APBB1IP: variants seen among roughly 807,000 people sequenced by gnomAD.
APBB1IP encodes the protein amyloid beta A4 precursor protein-binding family B member 1-interacting protein.
APBB1IP carries 27 observed loss-of-function variants against 64.9 expected under a neutral mutation model. That is an observed-to-expected ratio of 0.42 (90% CI 0.31 to 0.57). APBB1IP has a LOEUF of 0.57. Ranked by LOEUF, APBB1IP falls within the 20% of genes least tolerant of loss-of-function variation. APBB1IP has a pLI of 0.20. For synonymous variants in APBB1IP, 392 were observed against 331.0 expected (o/e 1.18, Z -2.00); for missense variants, 812 against 845.5 (o/e 0.96, Z 0.49).
At chr10:26,511,577 T>A (rs2275750) in intron 6 of APBB1IP, among the ~76,000 whole-genome samples, 170 bp from the exon 7 acceptor site, 2 of 152,200 alleles carry the variant, frequency 1.3e-5, no homozygotes, top group Non-Finnish European at 2.9e-5. Flanking sequence ...ACCTCTGTAA[T>A]CCTAGCACCT....
chr10:26,475,185 C>A (rs1268258851), intron 2 of APBB1IP, among the ~76,000 whole-genome samples: 1 of 149,768 alleles, frequency 6.7e-6, no homozygotes, highest in Non-Finnish European at 1.5e-5. Context: ...TGCAGTGGTG[C>A]AATCTCGGTT....
chr10:26,471,886 T>A (rs963965968), intron 2 of APBB1IP, among the ~76,000 whole-genome samples: 2 of 152,196 alleles, frequency 1.3e-5, no homozygotes, highest in African/African-American at 2.4e-5. Context: ...GGTTTCACCA[T>A]GTTGGCCAAG....
chr10:26,554,449 C>T (rs755470937), intron 11 of APBB1IP, among the ~76,000 whole-genome samples: 1 of 152,218 alleles, frequency 6.6e-6, no homozygotes, highest in Admixed American at 6.5e-5. Flanking sequence ...CTTGCAGCTG[C>T]GTGTGCCAAT....
intron 8 of APBB1IP, among the ~76,000 whole-genome samples, chr10:26,518,101 A>G (rs1836354934): frequency 6.6e-6 from 1 of 151,362 alleles, no homozygotes; most frequent in African/African-American, 2.4e-5. Flanking sequence ...ATCACAGGCA[A>G]CCACCACCAT....
intron 2 of APBB1IP, 128 bp from the exon 3 acceptor site, chr10:26,492,199 T>A: frequency 1.4e-6 from 1 of 708,524 alleles, no homozygotes. Flanking sequence ...AGCCTTCCTC[T>A]CAATATAGTC....
intron 2 of APBB1IP, among the ~76,000 whole-genome samples, chr10:26,440,874 T>A (rs954812066): frequency 6.6e-6 from 1 of 152,206 alleles, no homozygotes; most frequent in African/African-American, 2.4e-5. Flanking sequence ...CTTTAAGCCA[T>A]CTTACTTCCA....
chr10:26,513,835 C>T (rs1836292080), intron 8 of APBB1IP, among the ~76,000 whole-genome samples, 175 bp downstream of exon 8: 1 of 152,088 alleles, frequency 6.6e-6, no homozygotes. Flanking sequence ...TGGGTTCAAG[C>T]AATTCTCTTG....
In APBB1IP at chr10:26,552,296, C is replaced by T. The variant is rs1032480535; in HGVS notation, c.1156-7809C>T. On this transcript the variant is annotated intron_variant, in intron 11 of 14. Transcript: ENST00000376236. ...CCGGGGCAACAGAGTGAGACTCTGT[C>T]TCTAAAGAAATGCTTAATTAGCTGG... Among the ~76,000 whole-genome samples the T allele has an allele frequency of 3.3e-5, 5 of 152,050 alleles. No individual in the cohort carries two copies. The East Asian group carries it at 9.6e-4, about 29-fold the overall frequency.
intron 8 of APBB1IP, among the ~76,000 whole-genome samples, chr10:26,528,431 C>T (rs937269927): frequency 1.3e-5 from 2 of 152,146 alleles, no homozygotes; most frequent in Non-Finnish European, 2.9e-5. Context: ...GCTTTCAAGG[C>T]CTCGTTCAAA....
chr10:26,439,903 G>A (rs543824106), intron 2 of APBB1IP, among the ~76,000 whole-genome samples: 73 of 152,264 alleles, frequency 4.8e-4, no homozygotes, highest in African/African-American at 1.7e-3. Context: ...CTAGAGCAGC[G>A]ATTTTCCCTC....
At chr10:26,495,793 TTAC>T (rs1836014107) in intron 3 of APBB1IP, among the ~76,000 whole-genome samples, 1 of 150,318 alleles carries the variant, frequency 6.7e-6, no homozygotes, top group Non-Finnish European at 1.5e-5. Flanking sequence ...AGGAAAAATT[TTAC>T]TACGACAGAC....
intron 2 of APBB1IP, among the ~76,000 whole-genome samples, chr10:26,484,645 G>C (rs958077568): frequency 2.6e-5 from 4 of 151,844 alleles, no homozygotes; most frequent in African/African-American, 9.7e-5. Context: ...CCTTTTATTT[G>C]TTTTCTGTTT....
chr10:26,463,372 T>C (rs2132408314), intron 2 of APBB1IP, among the ~76,000 whole-genome samples: 1 of 152,282 alleles, frequency 6.6e-6, no homozygotes, highest in South Asian at 2.1e-4. Context: ...CCCAGGAGTT[T>C]GAAGCTGTAG....
intron 2 of APBB1IP, among the ~76,000 whole-genome samples, chr10:26,470,673 C>T (rs1444976339): frequency 6.6e-6 from 1 of 152,108 alleles, no homozygotes; most frequent in African/African-American, 2.4e-5. Context: ...AATTCATTTT[C>T]GACTTAGGGA....
At chr10:26,468,711 T>A (rs552411094) in intron 2 of APBB1IP, among the ~76,000 whole-genome samples, 56 of 152,332 alleles carry the variant, frequency 3.7e-4, no homozygotes, top group African/African-American at 1.1e-3. Flanking sequence ...TAATAGCCAC[T>A]GGTCCAGCCA....
intron 2 of APBB1IP, among the ~76,000 whole-genome samples, chr10:26,464,995 C>A (rs1835631968): frequency 1.3e-5 from 2 of 152,162 alleles, no homozygotes; most frequent in African/African-American, 4.8e-5. Context: ...CTAAGCAAAA[C>A]CAACAGAGAA....
intron 8 of APBB1IP, among the ~76,000 whole-genome samples, chr10:26,524,293 CAG>C (rs1165770956): frequency 6.6e-6 from 1 of 152,128 alleles, no homozygotes; most frequent in African/African-American, 2.4e-5. Context: ...GAGTGTCACA[CAG>C]AGACACAGAA....
At chr10:26,539,148 T>C (rs1192665974) in intron 10 of APBB1IP, among the ~76,000 whole-genome samples, 1 of 152,180 alleles carries the variant, frequency 6.6e-6, no homozygotes, top group Non-Finnish European at 1.5e-5. Context: ...CGGTGGCTCA[T>C]GCCTCTAATT....
intron 2 of APBB1IP, among the ~76,000 whole-genome samples, chr10:26,478,671 G>T (rs1198565273): frequency 1.3e-5 from 2 of 152,196 alleles, no homozygotes; most frequent in South Asian, 4.2e-4. Context: ...TGCTTTGGGG[G>T]TTGGCAGCAT....
Sources: allele counts gnomAD v4.1 joint callset (sites outside exome capture counted in the v4.1 genomes callset), GRCh38; gene constraint gnomAD v4.1.1; transcripts MANE v1.5; gene names NCBI Gene and HGNC (gene_info 2026-07-23, HGNC 2026-07-21).